BLACAT1: variants seen among roughly 807,000 people sequenced by gnomAD.
BLACAT1 encodes BLACAT1 overlapping LEMD1 locus.
At chr1:205,451,867 G>A (rs1666501567) in intron 1 of BLACAT1, among the ~76,000 whole-genome samples, 1 of 152,180 alleles carries the variant, frequency 6.6e-6, no homozygotes, top group Non-Finnish European at 1.5e-5. Flanking sequence ...TGAGGTTGAT[G>A]GAGGCTACAA....
At chr1:205,445,471 G>C (rs981091036) in intron 1 of BLACAT1, among the ~76,000 whole-genome samples, 4 of 152,214 alleles carry the variant, frequency 2.6e-5, no homozygotes, top group Admixed American at 6.5e-5. Context: ...CTGGCTCACC[G>C]AGCTCTCTGG....
chr1:205,453,710 T>C (rs1666526032), intron 1 of BLACAT1, among the ~76,000 whole-genome samples: 1 of 152,124 alleles, frequency 6.6e-6, no homozygotes, highest in Non-Finnish European at 1.5e-5. Flanking sequence ...ACCCCCAGCC[T>C]CTGCATCTGA....
chr1:205,446,704 G>A (rs1193907181), intron 1 of BLACAT1, among the ~76,000 whole-genome samples: 2 of 152,198 alleles, frequency 1.3e-5, no homozygotes, highest in Non-Finnish European at 1.5e-5. Flanking sequence ...TAGGCTCACT[G>A]TGGGCCCAGG....
chr1:205,438,359 T>C (rs1232133732), downstream of BLACAT1, among the ~76,000 whole-genome samples: 2 of 152,228 alleles, frequency 1.3e-5, no homozygotes, highest in East Asian at 1.9e-4. Context: ...GAGAGAACCA[T>C]GGAGAGAGGA....
At chr1:205,440,264 G>C (rs1042103526) in exon 2 of BLACAT1, among the ~76,000 whole-genome samples, 3 of 152,160 alleles carry the variant, frequency 2.0e-5, no homozygotes, top group Non-Finnish European at 4.4e-5. Context: ...GGTCAGGGCC[G>C]GGGCTGGAGG....
chr1:205,444,724 G>C (rs1437008935), intron 1 of BLACAT1, among the ~76,000 whole-genome samples: 1 of 152,162 alleles, frequency 6.6e-6, no homozygotes, highest in East Asian at 1.9e-4. Flanking sequence ...AGAGTGGGCG[G>C]CAGCGGGGGT....
intron 1 of BLACAT1, among the ~76,000 whole-genome samples, chr1:205,446,932 C>A (rs913725): frequency 5.9e-5 from 9 of 152,090 alleles, no homozygotes; most frequent in Non-Finnish European, 8.8e-5. Context: ...CTGATCCCCC[C>A]GCTCCCCCCG....
chr1:205,446,565 C>T (rs1666392794), intron 1 of BLACAT1, among the ~76,000 whole-genome samples: 3 of 152,190 alleles, frequency 2.0e-5, no homozygotes, highest in South Asian at 2.1e-4. Context: ...ACAGGATTCC[C>T]GGGAGGGGCC....
At chr1:205,438,804 G>A (rs1337096882), downstream of BLACAT1, among the ~76,000 whole-genome samples, 2 of 152,028 alleles carry the variant, frequency 1.3e-5, no homozygotes, top group African/African-American at 2.4e-5. Flanking sequence ...GTATCCCTCT[G>A]GAGCCAAGGG....
intron 1 of BLACAT1, among the ~76,000 whole-genome samples, chr1:205,442,194 G>A (rs1474876831): frequency 6.6e-6 from 1 of 152,158 alleles, no homozygotes; most frequent in Non-Finnish European, 1.5e-5. Context: ...CTCTCTCCAG[G>A]AAGAACATGG....
At chr1:205,444,729 G>A (rs371074463) in intron 1 of BLACAT1, among the ~76,000 whole-genome samples, 7 of 152,220 alleles carry the variant, frequency 4.6e-5, no homozygotes, top group East Asian at 3.9e-4. Flanking sequence ...GGGCGGCAGC[G>A]GGGGTGGAAG....
At chr1:205,438,245 G>A (rs926659225), downstream of BLACAT1, among the ~76,000 whole-genome samples, 1 of 152,190 alleles carries the variant, frequency 6.6e-6, no homozygotes, top group East Asian at 1.9e-4. Flanking sequence ...TCAGTGCCAC[G>A]CAGCAAGAAC....
At chr1:205,453,369 C>T (rs1244290252) in intron 1 of BLACAT1, among the ~76,000 whole-genome samples, 1 of 152,194 alleles carries the variant, frequency 6.6e-6, no homozygotes, top group Non-Finnish European at 1.5e-5. Context: ...TCCGAGGTCC[C>T]ATCTCTACTC....
intron 1 of BLACAT1, among the ~76,000 whole-genome samples, chr1:205,445,470 C>T (rs536944012): frequency 3.9e-5 from 6 of 152,358 alleles, no homozygotes; most frequent in African/African-American, 7.2e-5. Context: ...TCTGGCTCAC[C>T]GAGCTCTCTG....
rs901376676 is a variant in BLACAT1 at position 205,441,187 on chromosome 1, C to A, written c.-36-125G>T. ...GTCATTGCCACTCCCTGAGGCGGCC[C>A]GCTAGGTCTCTCACACCGGCTGGGG... On this transcript the variant is annotated intron_variant, in intron 1 of 1. Coordinates refer to ENST00000629624, the Ensembl canonical transcript of BLACAT1. The surrounding 1 kb of genome is among the most constrained non-coding windows in gnomAD (Gnocchi z 4.3). 1.3e-5 allele frequency: 2 copies of A among 152,254 alleles called. No individual in the cohort carries two copies. The highest frequency in any genetic ancestry group is 1.9e-4 in the East Asian group (1 of 5,182). 9.4% of individuals were successfully genotyped at this position (152,254 alleles called of 1,614,324 possible). A position where few individuals can be genotyped will look rare whatever the true frequency, so the allele number is the denominator to read the frequency against.
chr1:205,445,209 C>T (rs927209146), intron 1 of BLACAT1, among the ~76,000 whole-genome samples: 11 of 152,134 alleles, frequency 7.2e-5, no homozygotes, highest in African/African-American at 1.9e-4. Context: ...TCCCTCTGGC[C>T]GCCACGGAGC....
chr1:205,446,975 A>G (rs534444864), intron 1 of BLACAT1, among the ~76,000 whole-genome samples: 2 of 152,334 alleles, frequency 1.3e-5, no homozygotes, highest in East Asian at 3.9e-4. Flanking sequence ...CCAGTGATGG[A>G]CAAAGGGTGA....
chr1:205,448,289 C>T lies in BLACAT1; in HGVS notation c.-36-7227G>A. On this transcript the variant is annotated intron_variant, in intron 1 of 1. Coordinates refer to ENST00000629624, the Ensembl canonical transcript of BLACAT1. This position sits in a 1 kb window ranked among gnomAD's most constrained non-coding sequence, Gnocchi z 4.7. The stretch of plus-strand genomic sequence containing the variant: ...GAACCTGGTCCCATGGGAGGTGCAG[C>T]TGCGCAGGAGAAGGAGCTCGCCCCT... The T allele has an allele frequency of 1.9e-6, 1 of 523,800 alleles. No homozygotes were observed. The highest frequency in any genetic ancestry group is 4.0e-6 in the Non-Finnish European group (1 of 251,306). 32.4% of individuals were successfully genotyped at this position (523,800 alleles called of 1,614,324 possible).
intron 1 of BLACAT1, among the ~76,000 whole-genome samples, chr1:205,446,310 C>A (rs1004048474): frequency 1.3e-5 from 2 of 152,250 alleles, no homozygotes; most frequent in African/African-American, 2.4e-5. Context: ...AAAGCGAGGA[C>A]TGTCTCGGGT....
Sources: gnomAD v4.1 joint callset for allele counts (sites outside exome capture counted in the v4.1 genomes callset) on GRCh38, gnomAD v4.1.1 for gene constraint, Gnocchi (gnomAD v3.1) non-coding constraint, MANE v1.5 for transcripts, NCBI Gene and HGNC (gene_info 2026-07-23, HGNC 2026-07-21) for gene names.